SLC35F4: variants seen among roughly 807,000 people sequenced by gnomAD.
SLC35F4 encodes the protein chromosome 14 open reading frame 36.
In SLC35F4, 24 loss-of-function variants were observed where a neutral mutation model predicts 44.2. The ratio of observed to expected loss-of-function variants is 0.54; its 90% CI spans 0.39 to 0.76. SLC35F4 has a LOEUF of 0.76. Ranked by LOEUF, SLC35F4 falls within the 30% of genes least tolerant of loss-of-function variation. The pLI, the probability that SLC35F4 is intolerant of heterozygous loss-of-function variation, is 0.00. For missense variants in SLC35F4, 562 were observed against 586.1 expected, an observed-to-expected ratio of 0.96 and a Z score of 0.42; for synonymous variants, 238 against 223.6, an observed-to-expected ratio of 1.06 and a Z score of -0.57.
At chr14:57,720,833 A>T (rs1387384534) in intron 1 of SLC35F4, among the ~76,000 whole-genome samples, 1 of 151,820 alleles carries the variant, frequency 6.6e-6, no homozygotes, top group Non-Finnish European at 1.5e-5. Flanking sequence ...CCCAGGCTAC[A>T]TCTTTCTCTC....
At chr14:57,641,665 CA>C (rs1212863200) in intron 1 of SLC35F4, among the ~76,000 whole-genome samples, 18 of 152,094 alleles carry the variant, frequency 1.2e-4, no homozygotes, top group Middle Eastern at 3.4e-3. Context: ...ACCACTAAAA[CA>C]TGATTTAATT....
chr14:57,735,314 T>A (rs1594916311), intron 1 of SLC35F4, among the ~76,000 whole-genome samples: 2 of 152,374 alleles, frequency 1.3e-5, no homozygotes, highest in East Asian at 3.9e-4. Context: ...CTGTGCTGCA[T>A]AACAAGTCAG....
chr14:57,684,197 T>C (rs1358995783), intron 1 of SLC35F4, among the ~76,000 whole-genome samples: 2 of 152,084 alleles, frequency 1.3e-5, no homozygotes, highest in East Asian at 3.9e-4. Context: ...GGGGATGATA[T>C]TGCCACCTTC....
At chr14:57,747,770 AACT>A (rs1305686878) in intron 1 of SLC35F4, among the ~76,000 whole-genome samples, 5 of 152,186 alleles carry the variant, frequency 3.3e-5, no homozygotes, top group African/African-American at 1.2e-4. Context: ...ATTCAACTCC[AACT>A]ACTTTTTGCA....
chr14:57,669,182 T>C (rs2074423283), intron 1 of SLC35F4, among the ~76,000 whole-genome samples: 1 of 152,060 alleles, frequency 6.6e-6, no homozygotes, highest in African/African-American at 2.4e-5. Context: ...ATTGATTTTG[T>C]ATCCTGAGAC....
intron 1 of SLC35F4, among the ~76,000 whole-genome samples, chr14:57,770,671 T>C (rs1015567587): frequency 2.6e-5 from 4 of 152,128 alleles, no homozygotes; most frequent in Admixed American, 2.0e-4. Flanking sequence ...GGTGGGCAAC[T>C]GGGATTTGCA....
At chr14:57,678,684 G>C (rs1001073063) in intron 1 of SLC35F4, among the ~76,000 whole-genome samples, 2 of 147,824 alleles carry the variant, frequency 1.4e-5, no homozygotes, top group Non-Finnish European at 3.0e-5. Context: ...TATTTACCAA[G>C]CAAATGGAAA....
At chr14:57,886,365 G>T (rs556077232) in intron 1 of SLC35F4, among the ~76,000 whole-genome samples, 1 of 152,230 alleles carries the variant, frequency 6.6e-6, no homozygotes, top group African/African-American at 2.4e-5. Flanking sequence ...AGAAGAATCT[G>T]CTTCCAAGCT....
chr14:57,686,834 T>A (rs1466898338), intron 1 of SLC35F4, among the ~76,000 whole-genome samples: 1 of 152,238 alleles, frequency 6.6e-6, no homozygotes, highest in Non-Finnish European at 1.5e-5. Context: ...AGAATTATTT[T>A]CTTTCTAGGT....
At chr14:57,656,326 A>C (rs2073968501) in intron 1 of SLC35F4, among the ~76,000 whole-genome samples, 1 of 149,570 alleles carries the variant, frequency 6.7e-6, no homozygotes, top group South Asian at 2.2e-4. Context: ...TCACACATAT[A>C]TGCTTGAGGA....
At chr14:57,937,635 GAAAAGAAAAGAAAAGAA>G (rs1208455882) in intron 1 of SLC35F4, among the ~76,000 whole-genome samples, 23 of 119,648 alleles carry the variant, frequency 1.9e-4, no homozygotes, top group African/African-American at 6.6e-4. Flanking sequence ...GAAAAGAAAA[GAAAAGAAAAGAAAAGAA>G]AAAAGAAAAG....
intron 1 of SLC35F4, among the ~76,000 whole-genome samples, chr14:57,750,542 A>G (rs1298896611): frequency 1.3e-5 from 2 of 152,110 alleles, no homozygotes; most frequent in African/African-American, 4.8e-5. Context: ...GCCAACATCT[A>G]ATATGTTTTC....
At chr14:57,779,858 A>G (rs1353131094) in intron 1 of SLC35F4, among the ~76,000 whole-genome samples, 1 of 151,948 alleles carries the variant, frequency 6.6e-6, no homozygotes, top group African/African-American at 2.4e-5. Context: ...ATAGATGCAG[A>G]AAAAGCTTTC....
chr14:57,967,734 T>A (rs1179927006), intron 1 of SLC35F4, among the ~76,000 whole-genome samples: 1 of 152,056 alleles, frequency 6.6e-6, no homozygotes, highest in Non-Finnish European at 1.5e-5. Context: ...TGGTGTAGAG[T>A]TAAAAATTAT....
At chr14:57,592,586 T>C (rs2070258501) in intron 2 of SLC35F4, among the ~76,000 whole-genome samples, 1 of 152,210 alleles carries the variant, frequency 6.6e-6, no homozygotes, top group Admixed American at 6.5e-5. Flanking sequence ...AATAGGAATA[T>C]TGCAATTTAT....
intron 1 of SLC35F4, among the ~76,000 whole-genome samples, chr14:57,627,794 AAATTT>A (rs1259691157): frequency 6.6e-6 from 1 of 152,096 alleles, no homozygotes; most frequent in Non-Finnish European, 1.5e-5. Context: ...TAAAAAAGAG[AAATTT>A]AATTCCTTCC....
intron 1 of SLC35F4, among the ~76,000 whole-genome samples, chr14:57,735,800 G>A (rs1311331186): frequency 1.3e-5 from 2 of 150,906 alleles, no homozygotes; most frequent in East Asian, 1.9e-4. Flanking sequence ...ATAGCTTACT[G>A]CAACCTCAAA....
At chr14:57,664,663 G>A (rs574640484) in intron 1 of SLC35F4, among the ~76,000 whole-genome samples, 16 of 152,136 alleles carry the variant, frequency 1.1e-4, no homozygotes, top group South Asian at 2.1e-4. Context: ...CACTTGCCTC[G>A]GCCTCCCAAA....
At chr14:57,898,710 A>G (rs17093885) in intron 1 of SLC35F4, among the ~76,000 whole-genome samples, 20,816 of 152,284 alleles carry the variant, frequency 0.14, 1,602 homozygotes, top group Middle Eastern at 0.2. Flanking sequence ...CAACTTCAGT[A>G]AGAGCCCTAT....
Sources: allele counts gnomAD v4.1 joint callset (sites outside exome capture counted in the v4.1 genomes callset), GRCh38; gene constraint gnomAD v4.1.1; transcripts MANE v1.5; gene names NCBI Gene and HGNC (gene_info 2026-07-23, HGNC 2026-07-21).